Variants in ANKS1B observed in about 807,000 individuals in gnomAD.
The protein encoded by ANKS1B is ankyrin repeat and sterile alpha motif domain-containing protein 1B.
ANKS1B carries 36 observed loss-of-function variants against 148.3 expected under a neutral mutation model. That is an observed-to-expected ratio of 0.24 (90% CI 0.19 to 0.32). The LOEUF is 0.32. Ranked by LOEUF, ANKS1B falls within the 10% of genes least tolerant of loss-of-function variation. ANKS1B has a pLI of 1.00. For synonymous variants in ANKS1B, 542 were observed against 560.8 expected, an observed-to-expected ratio of 0.97 and a Z score of 0.47; for missense variants, 1,157 against 1,542.6, an observed-to-expected ratio of 0.75 and a Z score of 4.19.
chr12:99,547,525 A>G (rs1380223367), intron 9 of ANKS1B, among the ~76,000 whole-genome samples: 1 of 152,100 alleles, frequency 6.6e-6, no homozygotes, highest in Non-Finnish European at 1.5e-5. Context: ...CAAAGCAATA[A>G]TATTGTCTGG....
intron 10 of ANKS1B, 78 bp downstream of exon 10, chr12:99,504,398 A>G: frequency 6.8e-7 from 1 of 1,460,254 alleles, no homozygotes; most frequent in Admixed American, 2.2e-5. Flanking sequence ...ATAGTAGGAA[A>G]CCAAAATGTT....
chr12:99,867,292 T>C (rs1044458851), intron 1 of ANKS1B, among the ~76,000 whole-genome samples: 4 of 152,010 alleles, frequency 2.6e-5, no homozygotes, highest in Admixed American at 6.6e-5. Context: ...CCCCTCCCCA[T>C]TGCAACCCAT....
intron 12 of ANKS1B, among the ~76,000 whole-genome samples, chr12:99,348,993 TG>T (rs2091087181): frequency 1.3e-5 from 2 of 151,954 alleles, no homozygotes; most frequent in African/African-American, 4.8e-5. Flanking sequence ...TTTATGCTAA[TG>T]GGGACACAAT....
At chr12:99,547,918 G>T (rs994264348) in intron 9 of ANKS1B, among the ~76,000 whole-genome samples, 8 of 152,124 alleles carry the variant, frequency 5.3e-5, no homozygotes, top group Non-Finnish European at 1.0e-4. Flanking sequence ...AAAACTGTTG[G>T]CAGAAGATTC....
At chr12:99,658,226 C>T (rs368084136) in intron 8 of ANKS1B, among the ~76,000 whole-genome samples, 3 of 152,176 alleles carry the variant, frequency 2.0e-5, no homozygotes, top group Non-Finnish European at 2.9e-5. Context: ...CCTCACTAGC[C>T]GTATGATTTT....
intron 11 of ANKS1B, among the ~76,000 whole-genome samples, chr12:99,401,641 T>C (rs2152596799): frequency 6.8e-6 from 1 of 146,832 alleles, no homozygotes; most frequent in African/African-American, 2.6e-5. Context: ...AAACTGCAGA[T>C]ATCATGCACG....
At chr12:99,013,201 A>G (rs2099940474) in intron 17 of ANKS1B, among the ~76,000 whole-genome samples, 1 of 152,198 alleles carries the variant, frequency 6.6e-6, no homozygotes, top group Non-Finnish European at 1.5e-5. Flanking sequence ...CCATTAGAGG[A>G]TTTTGGCAAC....
chr12:99,270,126 A>G (rs1407301315), intron 12 of ANKS1B, among the ~76,000 whole-genome samples: 2 of 152,238 alleles, frequency 1.3e-5, no homozygotes, highest in African/African-American at 4.8e-5. Context: ...GGCCCCAGTT[A>G]GGTTGATCAG....
intron 8 of ANKS1B, among the ~76,000 whole-genome samples, chr12:99,751,019 T>A (rs1023529474): frequency 3.3e-5 from 5 of 152,036 alleles, no homozygotes; most frequent in Non-Finnish European, 7.4e-5. Flanking sequence ...TAATTTTAAG[T>A]TTTTAATATC....
Position 99,248,285 on chromosome 12 carries a change from G to A in ANKS1B, c.1757-1421C>T, listed in dbSNP as rs186995245. On this transcript the variant is annotated intron_variant, in intron 12 of 26. Coordinates refer to ENST00000683438, the MANE Select transcript of ANKS1B (RefSeq NM_001352186.2). ...TACTGCTCTCCGCCTGGGAACTGGT[G>A]AAAGCAGGTATATTCCTAGCTATGT... 3.9e-5 allele frequency among the ~76,000 whole-genome samples: 6 copies of A among 152,286 alleles called. No homozygotes were observed. The East Asian group carries it at 1.2e-3, about 29-fold the overall frequency.
intron 17 of ANKS1B, among the ~76,000 whole-genome samples, chr12:98,910,720 AG>A (rs1466168329): frequency 6.6e-6 from 1 of 152,234 alleles, no homozygotes; most frequent in Non-Finnish European, 1.5e-5. Context: ...AATGTGAAAT[AG>A]AATCAACAAT....
intron 17 of ANKS1B, among the ~76,000 whole-genome samples, chr12:98,860,493 T>TAGAAGGCAAAAATAAA (rs1332910515): frequency 2.0e-5 from 3 of 151,964 alleles, no homozygotes; most frequent in Non-Finnish European, 4.4e-5. Flanking sequence ...TGCACAAAAT[T>TAGAAGGCAAAAATAAA]AGAAGGCAAA....
At chr12:99,091,345 G>C (rs1276863606) in intron 15 of ANKS1B, among the ~76,000 whole-genome samples, 7 of 152,164 alleles carry the variant, frequency 4.6e-5, no homozygotes, top group African/African-American at 1.7e-4. Flanking sequence ...AGGAATTTAA[G>C]TAACCAGGTA....
chr12:98,920,703 T>C (rs572140386), intron 17 of ANKS1B, among the ~76,000 whole-genome samples: 2 of 152,314 alleles, frequency 1.3e-5, no homozygotes, highest in African/African-American at 4.8e-5. Context: ...ACCATATCAA[T>C]TACTAAGTAC....
chr12:99,663,275 A>G (rs1241415770), intron 8 of ANKS1B, among the ~76,000 whole-genome samples: 5 of 152,106 alleles, frequency 3.3e-5, no homozygotes, highest in Non-Finnish European at 1.5e-5. Flanking sequence ...CCTGGGAGAG[A>G]TATCACATGC....
rs76011836 is a variant in ANKS1B, at chr12:99,127,589, T to G, written c.2526+26700A>C. ...GAGAGGGTTGCCTTCAGTAAGGAAT[T>G]GTTTTCCTCTGGGAAGGAAATCACT... is the stretch of plus-strand genomic sequence containing the variant. On this transcript the variant is annotated intron_variant, in intron 15 of 26. Coordinates refer to ENST00000683438, the MANE Select transcript of ANKS1B (RefSeq NM_001352186.2). Among the ~76,000 whole-genome samples, 1,193 of 152,356 alleles carry G rather than the reference T, an allele frequency of 7.8e-3. 17 individuals are homozygous for G. Among genetic ancestry groups the G allele is most frequent in the African/African-American group, 0.027 (1,135 of 41,592 alleles).
intron 10 of ANKS1B, among the ~76,000 whole-genome samples, chr12:99,501,953 T>C (rs1258809838): frequency 6.6e-6 from 1 of 152,162 alleles, no homozygotes; most frequent in East Asian, 1.9e-4. Flanking sequence ...CTATATCGTA[T>C]CCAGCATTTT....
intron 17 of ANKS1B, among the ~76,000 whole-genome samples, chr12:98,983,703 C>T (rs1465105751): frequency 6.6e-6 from 1 of 152,128 alleles, no homozygotes; most frequent in Admixed American, 6.5e-5. Flanking sequence ...TCTAAAATCT[C>T]AATAAATCAT....
At chr12:99,487,427 T>C (rs2096505620) in intron 10 of ANKS1B, among the ~76,000 whole-genome samples, 1 of 152,200 alleles carries the variant, frequency 6.6e-6, no homozygotes, top group South Asian at 2.1e-4. Context: ...TATGTTTGTA[T>C]ATTAAAGGAT....
Sources: gnomAD v4.1 joint callset for allele counts (sites outside exome capture counted in the v4.1 genomes callset) on GRCh38, gnomAD v4.1.1 for gene constraint, MANE v1.5 for transcripts, NCBI Gene and HGNC (gene_info 2026-07-23, HGNC 2026-07-21) for gene names.